TSPEAR: variants seen among roughly 807,000 people sequenced by gnomAD.
The protein encoded by TSPEAR is thrombospondin type laminin G domain and EAR repeats.
A neutral mutation model predicts 71.6 loss-of-function variants in TSPEAR; 69 were observed. The observed-to-expected ratio is 0.96, with a 90% CI of 0.79 to 1.18. The LOEUF is 1.18. Ranked by LOEUF, TSPEAR falls within the 50% of genes most tolerant of loss-of-function variation. The pLI is 0.00. For synonymous variants in TSPEAR, 402 were observed against 387.2 expected (o/e 1.04, Z -0.45); for missense variants, 971 against 894.9 (o/e 1.09, Z -1.09).
intron 2 of TSPEAR, among the ~76,000 whole-genome samples, chr21:44,560,878 C>T (rs2053623332): frequency 9.0e-6 from 1 of 110,812 alleles, no homozygotes; most frequent in Admixed American, 9.2e-5. Context: ...CATCAGAAAG[C>T]TGGAAAGATC....
At chr21:44,590,715 C>T (rs1342520899) in intron 1 of TSPEAR, among the ~76,000 whole-genome samples, 3 of 152,092 alleles carry the variant, frequency 2.0e-5, no homozygotes, top group African/African-American at 2.4e-5. Flanking sequence ...GGGTGGGCTA[C>T]CCCAGTCCTG....
rs782237768 is a variant in TSPEAR at position 44,647,089 on chromosome 21, G to A, written c.82+64344C>T. On this transcript the variant is annotated intron_variant, in intron 1 of 11. Coordinates refer to ENST00000323084, the MANE Select transcript of TSPEAR (RefSeq NM_144991.3). ...CTGCTGTGTGCCTGTCTGCTCTAGG[G>A]CTTCCTCTTCACGCTGCCAGCAGCC... 2.9e-5 allele frequency: 47 copies of A among 1,613,422 alleles called. No individual in the cohort carries two copies. The highest frequency in any genetic ancestry group is 3.8e-5 in the Non-Finnish European group (45 of 1,179,796).
chr21:44,506,183 C>G lies in TSPEAR; in HGVS notation c.1755-1302G>C, dbSNP rs2052196475. Among the ~76,000 whole-genome samples the G allele has an allele frequency of 6.6e-6, 1 of 152,224 alleles. No individual in the cohort carries two copies. Among genetic ancestry groups the G allele is most frequent in the Admixed American group, 6.5e-5 (1 of 15,290 alleles). ...GCTGTGTCCTGTCTTAGGAGTCTCA[C>G]CTGAATTTACCAAGGATGCATCTGT... On this transcript the variant is annotated intron_variant, in intron 10 of 11. Coordinates refer to ENST00000323084, the MANE Select transcript of TSPEAR (RefSeq NM_144991.3). The surrounding 1 kb of genome is among the most constrained non-coding windows in gnomAD (Gnocchi z 4.2).
intron 2 of TSPEAR, among the ~76,000 whole-genome samples, chr21:44,549,887 C>A (rs1466506061): frequency 6.6e-6 from 1 of 152,248 alleles, no homozygotes; most frequent in South Asian, 2.1e-4. Context: ...AAGCCTGGTG[C>A]AGGAACAGAG....
At chr21:44,610,965 T>C (rs1328465227) in intron 1 of TSPEAR, among the ~76,000 whole-genome samples, 1 of 152,218 alleles carries the variant, frequency 6.6e-6, no homozygotes, top group Admixed American at 6.5e-5. Context: ...ATTTCTGCCA[T>C]TTGGAATGGC....
At chr21:44,595,473 T>C (rs1451187469) in intron 1 of TSPEAR, among the ~76,000 whole-genome samples, 7 of 152,222 alleles carry the variant, frequency 4.6e-5, no homozygotes, top group African/African-American at 7.2e-5. Context: ...TGAATCTATA[T>C]AGTTGATTTA....
intron 1 of TSPEAR, among the ~76,000 whole-genome samples, chr21:44,661,281 CAAAAAAAAAA>C (rs10572767): frequency 1.3e-5 from 1 of 79,702 alleles, no homozygotes; most frequent in Non-Finnish European, 2.3e-5. Flanking sequence ...GACTCCGTCT[CAAAAAAAAAA>C]AAAAAAAAAA....
chr21:44,658,251 G>C (rs781899847), intron 1 of TSPEAR: 2 of 1,613,762 alleles, frequency 1.2e-6, no homozygotes, highest in South Asian at 2.2e-5. Context: ...ATCTCCTGCA[G>C]CACCCCTTCC....
chr21:44,654,439 G>T lies in TSPEAR; in HGVS notation c.82+56994C>A, dbSNP rs369190519. 15 of 1,614,014 alleles carry T rather than the reference G, an allele frequency of 9.3e-6. No individual in the cohort carries two copies. The African/African-American group carries it at 2.0e-4, about 22-fold the overall frequency. ...CTGGCAGGGGCTGGGCACACAGCAG[G>T]CTGGCTGGCAGCAGGTGGATACCCC... On this transcript the variant is annotated intron_variant, in intron 1 of 11. Transcript: ENST00000323084.
At chr21:44,697,844 T>C (rs1601578186) in intron 1 of TSPEAR, 2 of 1,604,074 alleles carry the variant, frequency 1.2e-6, no homozygotes, top group South Asian at 1.1e-5. Context: ...CCCCTCCTGC[T>C]GTGTCCCCAC....
intron 2 of TSPEAR, chr21:44,557,976 G>C: frequency 6.6e-7 from 1 of 1,525,572 alleles, no homozygotes; most frequent in Non-Finnish European, 8.9e-7. Flanking sequence ...GACTCAGACA[G>C]GGCTCAGGGC....
At chr21:44,630,781 A>C (rs1983211928) in intron 1 of TSPEAR, among the ~76,000 whole-genome samples, 1 of 152,220 alleles carries the variant, frequency 6.6e-6, no homozygotes, top group Non-Finnish European at 1.5e-5. Flanking sequence ...TGGGAAAAAA[A>C]CATCTTTTGA....
chr21:44,663,677 T>C (rs1555944161), intron 1 of TSPEAR, among the ~76,000 whole-genome samples: 1 of 152,036 alleles, frequency 6.6e-6, no homozygotes, highest in Non-Finnish European at 1.5e-5. Context: ...CTATATACTA[T>C]TAATAATATC....
rs373717831 is a variant in TSPEAR at position 44,687,417 on chromosome 21, C to T, written c.82+24016G>A. On this transcript the variant is annotated intron_variant, in intron 1 of 11. Coordinates refer to ENST00000323084, the MANE Select transcript of TSPEAR (RefSeq NM_144991.3). The surrounding 1 kb of genome is among the most constrained non-coding windows in gnomAD (Gnocchi z 4.4). ...TTAGCTGGTGGATGGATAAACACAGCGTGACAGAGCGGTACAGCGGAATCC... is the reference window on the plus strand; with the variant it reads ...TTAGCTGGTGGATGGATAAACACAGTGTGACAGAGCGGTACAGCGGAATCC... 3.9e-5 allele frequency among the ~76,000 whole-genome samples: 6 copies of T among 152,174 alleles called. No homozygotes were observed. Among genetic ancestry groups the T allele is most frequent in the South Asian group, 2.1e-4 (1 of 4,828 alleles).
chr21:44,662,945 T>C (rs1423218079), intron 1 of TSPEAR, among the ~76,000 whole-genome samples: 2 of 152,142 alleles, frequency 1.3e-5, no homozygotes, highest in Non-Finnish European at 2.9e-5. Flanking sequence ...TGTCAAAATA[T>C]ATGGAACATG....
intron 1 of TSPEAR, among the ~76,000 whole-genome samples, chr21:44,646,224 C>T (rs1555939631): frequency 1.4e-5 from 2 of 146,774 alleles, no homozygotes; most frequent in Non-Finnish European, 3.0e-5. Flanking sequence ...CTGCGACATA[C>T]ATACCAGTTT....
intron 1 of TSPEAR, chr21:44,654,169 G>A: frequency 2.2e-6 from 2 of 896,008 alleles, no homozygotes; most frequent in Non-Finnish European, 3.6e-6. Flanking sequence ...GGTCTAGTCA[G>A]GTGACGACAG....
chr21:44,678,202 T>C (rs1282848608), intron 1 of TSPEAR: 1 of 398,930 alleles, frequency 2.5e-6, no homozygotes, highest in East Asian at 4.9e-5. Flanking sequence ...ATTGATATGG[T>C]TTGGATCTGT....
rs138937881 is a variant in TSPEAR, at chr21:44,646,557, C to T, written c.82+64876G>A. On this transcript the variant is annotated intron_variant, in intron 1 of 11. Transcript: ENST00000323084. ...GCTGCTGTGAGCCCCCCTGCAGCGC[C>T]CCCAGCTGCTGCGCCCCGGCCCCCT... 9.7e-4 allele frequency: 1,561 copies of T among 1,612,522 alleles called. 13 individuals carry two copies. The African/African-American group carries it at 0.018, about 19-fold the overall frequency.
Sources: allele counts gnomAD v4.1 joint callset (sites outside exome capture counted in the v4.1 genomes callset), GRCh38; gene constraint gnomAD v4.1.1; non-coding constraint Gnocchi (gnomAD v3.1); transcripts MANE v1.5; gene names NCBI Gene and HGNC (gene_info 2026-07-23, HGNC 2026-07-21).